SPTBN2: variants seen among roughly 807,000 people sequenced by gnomAD.
The protein encoded by SPTBN2 is spectrin beta, non-erythrocytic 2.
A neutral mutation model predicts 284.2 loss-of-function variants in SPTBN2; 107 were observed. That is an observed-to-expected ratio of 0.38 (90% CI 0.32 to 0.44). SPTBN2 has a LOEUF of 0.44. SPTBN2 is among the 20% of genes least tolerant of loss of function. The pLI, the probability that SPTBN2 is intolerant of heterozygous loss-of-function variation, is 1.00. For synonymous variants in SPTBN2, 1,289 were observed against 1,354.8 expected (o/e 0.95, Z 1.07); for missense variants, 2,569 against 3,287.1 (o/e 0.78, Z 5.34).
chr11:66,688,919 C>T, intron 30 of SPTBN2, 70 bp from the exon 31 acceptor site: 1 of 1,568,232 alleles, frequency 6.4e-7, no homozygotes, highest in Non-Finnish European at 8.7e-7. Flanking sequence ...GTGGCCATGG[C>T]AACCTCAAGA....
At chr11:66,713,781 C>T in intron 7 of SPTBN2, 35 bp from the exon 8 acceptor site, 1 of 1,486,362 alleles carries the variant, frequency 6.7e-7, no homozygotes, top group Non-Finnish European at 9.4e-7. Context: ...GGATCAGAAA[C>T]ATGTGAGATC....
intron 29 of SPTBN2, 33 bp from the exon 30 acceptor site, chr11:66,689,213 C>T (rs1940364631): frequency 6.3e-7 from 1 of 1,585,298 alleles, no homozygotes; most frequent in Non-Finnish European, 8.6e-7. Context: ...TGAGTTAGCA[C>T]CAGGATGTGA....
rs1055829128 is a variant in SPTBN2, at chr11:66,726,604, A to T, written c.-114+2137T>A. Among the ~76,000 whole-genome samples the T allele has an allele frequency of 9.2e-5, 14 of 152,210 alleles. 1 individual carries two copies. Among genetic ancestry groups the T allele is most frequent in the Admixed American group, 9.2e-4 (14 of 15,276 alleles). ...CAGGCCCTACCCCACACTAAACTCA[A>T]ATATCACTTCCCCTCAGGAGCTCAG... On this transcript the variant is annotated intron_variant, in intron 1 of 37. Coordinates refer to ENST00000533211, the MANE Select transcript of SPTBN2 (RefSeq NM_006946.4).
Position 66,693,686 on chromosome 11 carries a change from G to A in SPTBN2, c.4593+86C>T, listed in dbSNP as rs1486590950. On this transcript the variant is annotated intron_variant, in intron 23 of 37. Transcript: ENST00000533211. The surrounding 1 kb of genome is among the most constrained non-coding windows in gnomAD (Gnocchi z 5.7). Reference sequence around the variant, plus strand: ...GAAGTCCAGGGTTACACTCAGCATCGAGGGGGGCCTGGTCTTAAGAAAAAA... The same window carrying A: ...GAAGTCCAGGGTTACACTCAGCATCAAGGGGGGCCTGGTCTTAAGAAAAAA... The A allele has an allele frequency of 2.6e-5, 36 of 1,396,078 alleles. No homozygotes were observed. Among genetic ancestry groups the A allele is most frequent in the South Asian group, 2.5e-5 (2 of 80,636 alleles). 86.5% of individuals were successfully genotyped at this position (1,396,078 alleles called of 1,614,324 possible). A position where few individuals can be genotyped will look rare whatever the true frequency, so the allele number is the denominator to read the frequency against.
chr11:66,728,177 G>A (rs1942697928), intron 1 of SPTBN2: 1 of 146,034 alleles, frequency 6.8e-6, no homozygotes, highest in African/African-American at 2.5e-5. Context: ...GCGGAGCCGC[G>A]GCCGGGCGGG....
In SPTBN2 at chr11:66,693,816, C is replaced by T; in HGVS notation, c.4549G>A (p.Gly1517Ser). 1 of 1,613,952 alleles carries T rather than the reference C, an allele frequency of 6.2e-7. No homozygotes were observed. The highest frequency in any genetic ancestry group is 8.5e-7 in the Non-Finnish European group (1 of 1,179,960). Reference protein sequence around the residue: ...RLPMASSMEHGKDLPSVQLLM... With the variant: ...RLPMASSMEHSKDLPSVQLLM... ...AGCTGGACGCTGGGCAGGTCCTTGC[C>T]ATGCTCCATGGAGCTGGCCATGGGC... The change falls in exon 23 of 38, where the codon GGC (glycine) becomes AGC (serine). Residue 1517 changes from glycine to serine, a missense_variant. Transcript: ENST00000533211. This position sits in a 1 kb window ranked among gnomAD's most constrained non-coding sequence, Gnocchi z 5.7.
In SPTBN2 at chr11:66,716,862, A is replaced by G. The variant is rs550763678; in HGVS notation, c.158-881T>C. Reference sequence around the variant, plus strand: ...TCTCTTTTGGTTGCAGACAAAGGAGAAGGTGTGGGCTAAAATTATTGCAGC... The same window carrying G: ...TCTCTTTTGGTTGCAGACAAAGGAGGAGGTGTGGGCTAAAATTATTGCAGC... On this transcript the variant is annotated intron_variant, in intron 3 of 37. Coordinates refer to ENST00000533211, the MANE Select transcript of SPTBN2 (RefSeq NM_006946.4). Among the ~76,000 whole-genome samples, 5 of 152,126 alleles carry G rather than the reference A, an allele frequency of 3.3e-5. No homozygotes were observed. In the South Asian group the frequency reaches 1.0e-3, roughly 32 times the overall value.
rs1207850001 is a variant in SPTBN2 at position 66,705,433 on chromosome 11, G to A, written c.1843C>T (p.Arg615Trp). 6.8e-6 allele frequency: 11 copies of A among 1,612,886 alleles called. No homozygotes were observed. The highest frequency in any genetic ancestry group is 1.3e-5 in the African/African-American group (1 of 74,942). ...TAGCTCTGCTCTAGCTTGGCCACCC[G>A]CTCCGACACCAGCTGCGGGTCGCAA... ...RPCDPQLVSE[R>W]VAKLEQSYEA... Residue 615 changes from arginine to tryptophan, a missense_variant, in exon 15 of 38, where the codon CGG becomes TGG. Coordinates refer to ENST00000533211, the MANE Select transcript of SPTBN2 (RefSeq NM_006946.4).
intron 8 of SPTBN2, among the ~76,000 whole-genome samples, chr11:66,712,501 C>T (rs573560557): frequency 3.5e-4 from 53 of 151,264 alleles, no homozygotes; most frequent in African/African-American, 1.2e-3. Context: ...GAGCCGAGAT[C>T]GCGCCATTGC....
chr11:66,687,764 T>C lies in SPTBN2; in HGVS notation c.6501+104A>G. 1 of 1,589,002 alleles carries C rather than the reference T, an allele frequency of 6.3e-7. No individual in the cohort carries two copies. The highest frequency in any genetic ancestry group is 1.3e-5 in the African/African-American group (1 of 74,496). The stretch of plus-strand genomic sequence containing the variant: ...TGCCCCCAAGCTGCCTGTGAGCCTC[T>C]GCCCTCTCCCATCCCATCCCCAGTA... On this transcript the variant is annotated intron_variant, in intron 34 of 37. Coordinates refer to ENST00000533211, the MANE Select transcript of SPTBN2 (RefSeq NM_006946.4). This position sits in a 1 kb window ranked among gnomAD's most constrained non-coding sequence, Gnocchi z 5.2.
rs754055406 is a variant in SPTBN2, at chr11:66,691,582, G to A, written c.5267C>T (p.Ala1756Val). ...CCCAGCAATGAGCCCATTGGCCAGC[G>A]CATTGGCGCTATCTACGCGCTCCTG... Reference protein sequence around the residue: ...IGQERVDSANALANGLIAGGH... With the variant: ...IGQERVDSANVLANGLIAGGH... The change falls in exon 27 of 38, where the codon GCG (alanine) becomes GTG (valine). Residue 1756 changes from alanine (A) to valine (V), a missense_variant. Physicochemically the swap from Ala to Val is moderately conservative, Grantham distance 64. Coordinates refer to ENST00000533211, the MANE Select transcript of SPTBN2 (RefSeq NM_006946.4). The surrounding 1 kb of genome is among the most constrained non-coding windows in gnomAD (Gnocchi z 8.0). The A allele has an allele frequency of 3.7e-6, 6 of 1,613,706 alleles. No individual in the cohort carries two copies. In the Admixed American group the frequency reaches 5.0e-5, roughly 13 times the overall value.
chr11:66,695,503 G>A (rs528231646), intron 21 of SPTBN2, among the ~76,000 whole-genome samples: 2 of 152,140 alleles, frequency 1.3e-5, no homozygotes, highest in Admixed American at 6.5e-5. Context: ...CAAGTGATCC[G>A]GCCACCTCGG....
In SPTBN2 at chr11:66,693,373, G is replaced by A. The variant is rs191457765; in HGVS notation, c.4667C>T (p.Ala1556Val). The change falls in exon 24 of 38, where the codon GCA becomes GTA. Residue 1556 changes from alanine (A) to valine (V), a missense_variant. By Grantham distance (64) the Ala-to-Val change is moderately conservative. This residue lies in a region of SPTBN2 where 1,130 missense variants were observed against 1,317.3 expected (regional missense o/e 0.86). Transcript: ENST00000533211. This position sits in a 1 kb window ranked among gnomAD's most constrained non-coding sequence, Gnocchi z 5.7. ...DLRERQRALG[A>V]AAAGPELAEL... ...AGCCAGCTCTGGACCTGCTGCTGCT[G>A]CACCTAGAGCACGCTGCCGCTCCCT... 1.6e-4 allele frequency: 264 copies of A among 1,603,538 alleles called. 3 individuals carry two copies. The South Asian group carries it at 2.6e-3, about 16-fold the overall frequency.
rs201646010 is a variant in SPTBN2 at position 66,699,476 on chromosome 11, G to A, written c.3706C>T (p.Arg1236Cys). Residue 1236 changes from arginine (R) to cysteine (C), a missense_variant, in exon 18 of 38, where the codon CGC becomes TGC. Arg to Cys is a radical substitution (Grantham distance 180, BLOSUM62 -3). This residue lies in a region of SPTBN2 where 1,012 missense variants were observed against 1,248.9 expected (regional missense o/e 0.81). Transcript: ENST00000533211. ...ATGTTGCCTTCAGATACCAGCTGGC[G>A]GCCAGCCTCCAGGAGCCCGTGGATC... is the stretch of plus-strand genomic sequence containing the variant. ...ERIHGLLEAGRQLVSEGNIHA... is the reference protein window; with the variant it reads ...ERIHGLLEAGCQLVSEGNIHA... 57 of 1,614,086 alleles carry A rather than the reference G, an allele frequency of 3.5e-5. No individual in the cohort carries two copies. The highest frequency in any genetic ancestry group is 8.3e-5 in the Admixed American group (5 of 60,000).
chr11:66,739,635 C>G (rs1327322447), intron 1 of SPTBN2, among the ~76,000 whole-genome samples: 2 of 152,194 alleles, frequency 1.3e-5, no homozygotes, highest in Non-Finnish European at 2.9e-5. Flanking sequence ...CATTACAGTG[C>G]TGTTTGCATT....
At position 66,690,162 on chromosome 11, in the gene SPTBN2, G is replaced by A. The variant is rs1355856843; in HGVS notation, c.5687C>T (p.Ser1896Phe). ...AEAWAQLQGS[S>F]AARRQLLLDT... ...CAGCAGCAGCTGCCGGCGGGCGGCA[G>A]AGCTTCCCTGAAGCTGGGCCCAGGC... is the stretch of plus-strand genomic sequence containing the variant. The change falls in exon 28 of 38, where the codon TCT becomes TTT. Residue 1896 changes from serine (S) to phenylalanine (F), a missense_variant. Around this residue, in one of 6 missense-constraint regions of SPTBN2, gnomAD observed 1,130 missense variants for 1,317.3 expected, o/e 0.86. Coordinates refer to ENST00000533211, the MANE Select transcript of SPTBN2 (RefSeq NM_006946.4). 2.5e-6 allele frequency: 4 copies of A among 1,614,152 alleles called. No homozygotes were observed. Among genetic ancestry groups the A allele is most frequent in the South Asian group, 1.1e-5 (1 of 91,078 alleles).
chr11:66,722,151 TGTTA>T (rs1316528285), intron 1 of SPTBN2, among the ~76,000 whole-genome samples: 6 of 152,222 alleles, frequency 3.9e-5, no homozygotes, highest in African/African-American at 1.4e-4. Flanking sequence ...CCACAGAGAA[TGTTA>T]GTAAGTACTC....
chr11:66,738,308 G>A (rs1485170923), intron 1 of SPTBN2, among the ~76,000 whole-genome samples: 1 of 152,040 alleles, frequency 6.6e-6, no homozygotes, highest in Non-Finnish European at 1.5e-5. Context: ...TATATTTCTG[G>A]GAGGATTTTC....
upstream of SPTBN2, among the ~76,000 whole-genome samples, chr11:66,729,404 C>T (rs11227578): frequency 2.5e-3 from 386 of 152,108 alleles, 11 homozygotes; most frequent in East Asian, 0.061. Context: ...TATGTACTGC[C>T]CCTGAAGATG....
Sources: gnomAD v4.1 joint callset for allele counts (sites outside exome capture counted in the v4.1 genomes callset) on GRCh38, gnomAD v4.1.1 for gene constraint, gnomAD v4.1.1 regional missense constraint, Gnocchi (gnomAD v3.1) non-coding constraint, MANE v1.5 for transcripts, NCBI Gene and HGNC (gene_info 2026-07-23, HGNC 2026-07-21) for gene names.